Variants in TTC28 observed in about 807,000 individuals in gnomAD.
TTC28 encodes tetratricopeptide repeat domain 28, also known as tetratricopeptide repeat protein 28.
Under a neutral mutation model 198.0 loss-of-function variants are expected in TTC28, and 61 were observed. That is an observed-to-expected ratio of 0.31 (90% confidence interval 0.25 to 0.38). The LOEUF is 0.38. TTC28 is among the 10% of genes least tolerant of loss of function. The probability of loss-of-function intolerance (pLI) is 1.00; values close to 1 mark genes in which losing one functional copy is unlikely to be tolerated. For missense variants in TTC28, 2,678 were observed against 3,164.0 expected, an observed-to-expected ratio of 0.85 and a Z score of 3.69; for synonymous variants, 1,171 against 1,297.8, an observed-to-expected ratio of 0.90 and a Z score of 2.10.
At chr22:28,280,420 C>T (rs1438331329) in intron 5 of TTC28, among the ~76,000 whole-genome samples, 1 of 152,020 alleles carries the variant, frequency 6.6e-6, no homozygotes, top group African/African-American at 2.4e-5. Context: ...TCCGCCTCCG[C>T]CTCCGCCTCC....
chr22:28,570,132 C>T (rs1422614075), intron 2 of TTC28, among the ~76,000 whole-genome samples: 1 of 152,042 alleles, frequency 6.6e-6, no homozygotes, highest in Non-Finnish European at 1.5e-5. Context: ...AGTTCAGGCA[C>T]TATGCAAAGC....
At chr22:28,394,172 T>C (rs761332006) in intron 2 of TTC28, among the ~76,000 whole-genome samples, 2 of 152,250 alleles carry the variant, frequency 1.3e-5, no homozygotes, top group Non-Finnish European at 2.9e-5. Flanking sequence ...CAAGCCCTTG[T>C]GTTCTGGGTA....
chr22:28,453,641 T>G (rs1450766982), intron 2 of TTC28, among the ~76,000 whole-genome samples: 1 of 152,144 alleles, frequency 6.6e-6, no homozygotes, highest in Non-Finnish European at 1.5e-5. Flanking sequence ...CAACATCCAG[T>G]CCACTAACAA....
chr22:28,492,195 G>A (rs2048389980), intron 2 of TTC28, among the ~76,000 whole-genome samples: 1 of 151,972 alleles, frequency 6.6e-6, no homozygotes, highest in Non-Finnish European at 1.5e-5. Context: ...ACACCAACAT[G>A]GCACATGTAC....
intron 1 of TTC28, among the ~76,000 whole-genome samples, chr22:28,662,015 C>T (rs576141073): frequency 6.6e-6 from 1 of 150,708 alleles, no homozygotes; most frequent in Non-Finnish European, 1.5e-5. Context: ...AGCTGAAATA[C>T]AGAAAGGAAC....
At chr22:28,089,553 T>C (rs943879530) in intron 12 of TTC28, among the ~76,000 whole-genome samples, 4 of 151,086 alleles carry the variant, frequency 2.6e-5, no homozygotes, top group African/African-American at 7.3e-5. Context: ...TTAGGAGATA[T>C]ACCTAATGCT....
chr22:28,455,145 C>T (rs2047839436), intron 2 of TTC28, among the ~76,000 whole-genome samples: 1 of 152,070 alleles, frequency 6.6e-6, no homozygotes, highest in African/African-American at 2.4e-5. Context: ...ATATTCATAC[C>T]ACCTATAACA....
In TTC28 at chr22:28,456,679, G is replaced by A. The variant is rs533647841; in HGVS notation, c.382-150036C>T. ...CAACCTCCACCCCCAGGATTCAAGC[G>A]ATTCTCCTGCCTCAGCCTCCTGAGT... On this transcript the variant is annotated intron_variant, in intron 2 of 22. Coordinates refer to ENST00000397906, the MANE Select transcript of TTC28 (RefSeq NM_001145418.2). 5.1e-4 allele frequency among the ~76,000 whole-genome samples: 77 copies of A among 152,208 alleles called. 1 individual carries two copies. The South Asian group carries it at 6.4e-3, about 13-fold the overall frequency.
intron 2 of TTC28, among the ~76,000 whole-genome samples, chr22:28,339,549 C>T (rs2045793212): frequency 1.3e-5 from 2 of 152,220 alleles, no homozygotes; most frequent in African/African-American, 4.8e-5. Flanking sequence ...TCAGTTCAAG[C>T]TTCCCGGCCG....
intron 6 of TTC28, among the ~76,000 whole-genome samples, chr22:28,153,395 T>TAAAAAAAAA (rs55726442): frequency 1.0e-5 from 1 of 97,136 alleles, no homozygotes; most frequent in Non-Finnish European, 2.0e-5. Flanking sequence ...CTCAAAGAAT[T>TAAAAAAAAA]AAAAAAAAAA....
At chr22:28,422,828 CA>C (rs2047282153) in intron 2 of TTC28, among the ~76,000 whole-genome samples, 1 of 151,962 alleles carries the variant, frequency 6.6e-6, no homozygotes, top group Non-Finnish European at 1.5e-5. Context: ...TTGCATACAC[CA>C]AAAGCCTAAC....
intron 21 of TTC28, among the ~76,000 whole-genome samples, chr22:27,989,383 G>A (rs771500795): frequency 9.2e-5 from 14 of 152,126 alleles, no homozygotes; most frequent in Non-Finnish European, 1.5e-4. Flanking sequence ...AATAACACTT[G>A]ACCTCCAATA....
Position 27,993,333 on chromosome 22 carries a change from C to G in TTC28, c.5430G>C (p.Pro1810=), listed in dbSNP as rs749731268. ...PAAVFFPTSD[P]GDRLQQCSST... ...TGCTGCACTGCTGGAGCCGGTCGCC[C>G]GGGTCGGAGGTTGGGAAGAAGACAG... Residue 1810 remains proline, a synonymous_variant, in exon 18 of 23, where the codon CCG becomes CCC. Transcript: ENST00000397906. The G allele has an allele frequency of 1.9e-6, 3 of 1,549,476 alleles. No individual in the cohort carries two copies. Among genetic ancestry groups the G allele is most frequent in the Admixed American group, 3.9e-5 (2 of 50,898 alleles).
intron 2 of TTC28, among the ~76,000 whole-genome samples, chr22:28,627,632 A>G (rs909330464): frequency 1.3e-5 from 2 of 151,954 alleles, no homozygotes; most frequent in Non-Finnish European, 2.9e-5. Flanking sequence ...GGGTTTCACC[A>G]CGTTGGCCAG....
At chr22:28,277,613 A>G (rs2044495792) in intron 5 of TTC28, among the ~76,000 whole-genome samples, 3 of 152,182 alleles carry the variant, frequency 2.0e-5, no homozygotes, top group Non-Finnish European at 4.4e-5. Flanking sequence ...CACACGGTAG[A>G]TTTTGTTTCA....
At chr22:28,057,796 T>C (rs922932644) in intron 12 of TTC28, among the ~76,000 whole-genome samples, 10 of 152,306 alleles carry the variant, frequency 6.6e-5, no homozygotes, top group South Asian at 2.1e-4. Flanking sequence ...AGGTTCAAGA[T>C]TGTTTTTTTC....
chr22:28,543,840 T>C (rs1282622265), intron 2 of TTC28, among the ~76,000 whole-genome samples: 2 of 152,142 alleles, frequency 1.3e-5, no homozygotes, highest in East Asian at 3.9e-4. Flanking sequence ...GAAAAAATTC[T>C]AAATAAAATT....
intron 2 of TTC28, among the ~76,000 whole-genome samples, chr22:28,460,587 AG>A (rs1483962184): frequency 6.6e-6 from 1 of 151,762 alleles, no homozygotes; most frequent in Non-Finnish European, 1.5e-5. Flanking sequence ...TACATATAAT[AG>A]ATGGATAGAT....
At chr22:28,243,402 T>C (rs1428771866) in intron 5 of TTC28, among the ~76,000 whole-genome samples, 2 of 150,488 alleles carry the variant, frequency 1.3e-5, no homozygotes, top group Non-Finnish European at 1.5e-5. Context: ...GGAGTTTTCA[T>C]ATTTGGCTCT....
Sources: allele counts gnomAD v4.1 joint callset (sites outside exome capture counted in the v4.1 genomes callset), GRCh38; gene constraint gnomAD v4.1.1; transcripts MANE v1.5; gene names NCBI Gene and HGNC (gene_info 2026-07-23, HGNC 2026-07-21).